PER2: variants seen among roughly 807,000 people sequenced by gnomAD.
PER2 encodes period circadian regulator 2, also known as period circadian protein homolog 2.
A neutral mutation model predicts 121.0 loss-of-function variants in PER2; 66 were observed. The observed-to-expected ratio is 0.55, with a 90% CI of 0.45 to 0.67. The LOEUF is 0.67. PER2 is among the 30% of genes least tolerant of loss of function. The pLI is 0.00. For missense variants in PER2, 1,521 were observed against 1,635.0 expected (o/e 0.93, Z 1.20); for synonymous variants, 684 against 659.9 (o/e 1.04, Z -0.56).
intron 17 of PER2, 92 bp downstream of exon 17, chr2:238,256,827 GTTC>G: frequency 7.8e-7 from 1 of 1,281,010 alleles, no homozygotes; most frequent in South Asian, 1.3e-5. Context: ...CTATGGTGGA[GTTC>G]TTCTGCACTT....
rs1695621096 is a variant in PER2 at position 238,252,093 on chromosome 2, G to A, written c.3112-332C>T. 6.6e-6 allele frequency among the ~76,000 whole-genome samples: 1 copy of A among 152,176 alleles called. No homozygotes were observed. The highest frequency in any genetic ancestry group is 2.4e-5 in the African/African-American group (1 of 41,442). On this transcript the variant is annotated intron_variant, in intron 19 of 22. Coordinates refer to ENST00000254657, the MANE Select transcript of PER2 (RefSeq NM_022817.3). This position sits in a 1 kb window ranked among gnomAD's most constrained non-coding sequence, Gnocchi z 4.2. Reference sequence around the variant, plus strand: ...CTCCTCACATGCAGCAGACATGGATGGGGAAAACGCCTCTCACAGCACCCG... The same window carrying A: ...CTCCTCACATGCAGCAGACATGGATAGGGAAAACGCCTCTCACAGCACCCG...
chr2:238,245,808 G>A lies in PER2; in HGVS notation c.*567C>T, dbSNP rs28391755. 0.024 allele frequency: 9,714 copies of A among 397,002 alleles called. 280 individuals are homozygous for A. Among genetic ancestry groups the A allele is most frequent in the African/African-American group, 0.09 (4,389 of 48,676 alleles). 24.6% of individuals were successfully genotyped at this position (397,002 alleles called of 1,614,324 possible). ...GACCACACCAGAAGCCAAAGCTGTT[G>A]GTTTGCCAAACAACGCTTCACACCA... is the stretch of plus-strand genomic sequence containing the variant. On this transcript the variant is annotated 3_prime_UTR_variant, in exon 23 of 23. Coordinates refer to ENST00000254657, the MANE Select transcript of PER2 (RefSeq NM_022817.3).
Position 238,268,322 on chromosome 2 carries a change from G to A in PER2, c.825-124C>T, listed in dbSNP as rs1448151914. ...GATGTGTACCTCTGCTCTGCCTGAG[G>A]AGCTGGGCCTGCCCCCTGCCCTCTT... On this transcript the variant is annotated intron_variant, in intron 7 of 22. Transcript: ENST00000254657. The surrounding 1 kb of genome is among the most constrained non-coding windows in gnomAD (Gnocchi z 4.0). 4.9e-6 allele frequency: 5 copies of A among 1,013,836 alleles called. No individual in the cohort carries two copies. Among genetic ancestry groups the A allele is most frequent in the East Asian group, 2.6e-5 (1 of 38,830 alleles). The allele number at this position is 1,013,836 out of a possible 1,614,324, so 62.8% of individuals were successfully genotyped here.
chr2:238,283,523 G>A (rs1224562482), intron 1 of PER2, among the ~76,000 whole-genome samples: 1 of 152,256 alleles, frequency 6.6e-6, no homozygotes, highest in Non-Finnish European at 1.5e-5. Context: ...AGGCCCTGCG[G>A]CAGGCAAGCA....
chr2:238,268,849 C>T lies in PER2; in HGVS notation c.824+74G>A. 11 of 1,118,174 alleles carry T rather than the reference C, an allele frequency of 9.8e-6. No homozygotes were observed. In the South Asian group the frequency reaches 1.4e-4, roughly 14 times the overall value. 69.3% of individuals were successfully genotyped at this position (1,118,174 alleles called of 1,614,324 possible). ...TGCAGGCAGGGATCACGCCCCCCAG[C>T]CTCAAGCGGAGCAGTGCTGGGGTGA... is the stretch of plus-strand genomic sequence containing the variant. On this transcript the variant is annotated intron_variant, in intron 7 of 22. Transcript: ENST00000254657. This position sits in a 1 kb window ranked among gnomAD's most constrained non-coding sequence, Gnocchi z 4.0.
intron 6 of PER2, 37 bp downstream of exon 6, chr2:238,271,275 C>T: frequency 6.3e-7 from 1 of 1,582,954 alleles, no homozygotes; most frequent in Non-Finnish European, 8.7e-7. Flanking sequence ...CCTTTCCCGA[C>T]CCCAGAGGGA....
rs1408987474 is a variant in PER2 at position 238,268,269 on chromosome 2, C to T, written c.825-71G>A. ...ACAGTCCCCTGTTCTGTTCCCTCCT[C>T]ACCTGGGCCCCATGCCATGCTGCAG... On this transcript the variant is annotated intron_variant, in intron 7 of 22. Coordinates refer to ENST00000254657, the MANE Select transcript of PER2 (RefSeq NM_022817.3). The surrounding 1 kb of genome is among the most constrained non-coding windows in gnomAD (Gnocchi z 4.0). The T allele has an allele frequency of 7.3e-6, 11 of 1,503,602 alleles. No individual in the cohort carries two copies. The highest frequency in any genetic ancestry group is 1.0e-5 in the Non-Finnish European group (11 of 1,092,078). The allele number at this position is 1,503,602 out of a possible 1,614,324, so 93.1% of individuals were successfully genotyped here. A position where few individuals can be genotyped will look rare whatever the true frequency, so the allele number is the denominator to read the frequency against.
chr2:238,264,735 T>C (rs867638051), intron 9 of PER2, among the ~76,000 whole-genome samples: 2 of 152,296 alleles, frequency 1.3e-5, no homozygotes, highest in Middle Eastern at 3.4e-3. Context: ...GTGATCCCCC[T>C]GCCTCAGCCT....
At chr2:238,285,397 C>T (rs888072941) in intron 1 of PER2, among the ~76,000 whole-genome samples, 1 of 152,146 alleles carries the variant, frequency 6.6e-6, no homozygotes, top group Non-Finnish European at 1.5e-5. Flanking sequence ...GGTGGGGTCG[C>T]ATGGGTTCGT....
At chr2:238,287,597 T>C (rs894879469) in intron 1 of PER2, among the ~76,000 whole-genome samples, 2 of 152,246 alleles carry the variant, frequency 1.3e-5, no homozygotes, top group South Asian at 2.1e-4. Context: ...AGGCCATCAC[T>C]GAACCTCTGA....
intron 12 of PER2, 196 bp downstream of exon 12, chr2:238,261,533 G>A: frequency 1.6e-6 from 1 of 627,260 alleles, no homozygotes; most frequent in East Asian, 2.8e-5. Flanking sequence ...ATGCAAGGCT[G>A]GAGAGAGCCA....
At chr2:238,279,645 C>T (rs1192396375) in intron 1 of PER2, among the ~76,000 whole-genome samples, 1 of 152,216 alleles carries the variant, frequency 6.6e-6, no homozygotes, top group Non-Finnish European at 1.5e-5. Flanking sequence ...ATTCCACACC[C>T]CAAATCTTGT....
At chr2:238,260,213 G>T (rs1695885546) in intron 13 of PER2, among the ~76,000 whole-genome samples, 160 bp from the exon 14 acceptor site, 1 of 150,980 alleles carries the variant, frequency 6.6e-6, no homozygotes, top group Non-Finnish European at 1.5e-5. Flanking sequence ...AAACCTATTT[G>T]ATGATCCTAA....
chr2:238,273,122 T>TAG lies in PER2; in HGVS notation c.516_517dup (p.Tyr173SerfsTer16). 6.2e-7 allele frequency: 1 copy of TAG among 1,609,934 alleles called. No individual in the cohort carries two copies. On this transcript the variant is annotated frameshift_variant, in exon 5 of 23. Transcript: ENST00000254657. LOFTEE classifies it high-confidence loss of function. ...AACGCTCTCCATCTCCTCCACGGTGTAGGAGGGCACGTCTGCTCCACAGGG... is the reference window on the plus strand; with the variant it reads ...AACGCTCTCCATCTCCTCCACGGTGTAGAGGAGGGCACGTCTGCTCCACAGGG...
chr2:238,245,429 C>T lies in PER2; in HGVS notation c.*946G>A. Reference sequence around the variant, plus strand: ...AGTCGCAAGCTGTCAGACTGAGTGGCAGTGGCTGCTCTCGGCCAGGAGATG... The same window carrying T: ...AGTCGCAAGCTGTCAGACTGAGTGGTAGTGGCTGCTCTCGGCCAGGAGATG... On this transcript the variant is annotated 3_prime_UTR_variant, in exon 23 of 23. Transcript: ENST00000254657. 1 of 396,664 alleles carries T rather than the reference C, an allele frequency of 2.5e-6. No homozygotes were observed. Among genetic ancestry groups the T allele is most frequent in the African/African-American group, 2.1e-5 (1 of 48,706 alleles). The allele number at this position is 396,664 out of a possible 1,614,324, so 24.6% of individuals were successfully genotyped here. A position where few individuals can be genotyped will look rare whatever the true frequency, so the allele number is the denominator to read the frequency against.
chr2:238,265,990 G>A (rs998626962), intron 8 of PER2, among the ~76,000 whole-genome samples: 16 of 150,488 alleles, frequency 1.1e-4, no homozygotes, highest in African/African-American at 2.9e-4. Context: ...TGCAACCTCC[G>A]CCTCCGAGGT....
In PER2 at chr2:238,268,929, C is replaced by A; in HGVS notation, c.818G>T (p.Arg273Leu). 6.2e-7 allele frequency: 1 copy of A among 1,610,670 alleles called. No individual in the cohort carries two copies. Among genetic ancestry groups the A allele is most frequent in the Non-Finnish European group, 8.5e-7 (1 of 1,176,826 alleles). Residue 273 changes from arginine to leucine, a missense_variant, in exon 7 of 23, where the codon CGT becomes CTT. Transcript: ENST00000254657. This position sits in a 1 kb window ranked among gnomAD's most constrained non-coding sequence, Gnocchi z 4.0. ...AACTGGGAACCAGGCTTACCTGACA[C>A]GGCAAAAGAAAGATTTCTCCTCCAT... ...ECMEEKSFFCRVSVRKSHENE... is the reference protein window; with the variant it reads ...ECMEEKSFFCLVSVRKSHENE...
At chr2:238,267,001 T>G (rs896938031) in intron 8 of PER2, among the ~76,000 whole-genome samples, 3 of 138,394 alleles carry the variant, frequency 2.2e-5, no homozygotes, top group African/African-American at 8.3e-5. Context: ...TGAGCCAAGA[T>G]AGCACCACTG....
chr2:238,271,546 G>A (rs1319061230), intron 5 of PER2, 33 bp from the exon 6 acceptor site: 2 of 1,532,392 alleles, frequency 1.3e-6, no homozygotes, highest in East Asian at 2.2e-5. Flanking sequence ...TGATGACAAG[G>A]TCAGATGGTG....
Sources: gnomAD v4.1 joint callset for allele counts (sites outside exome capture counted in the v4.1 genomes callset) on GRCh38, gnomAD v4.1.1 for gene constraint, Gnocchi (gnomAD v3.1) non-coding constraint, MANE v1.5 for transcripts, NCBI Gene and HGNC (gene_info 2026-07-23, HGNC 2026-07-21) for gene names.